Variants in SPRED2 observed in about 807,000 individuals in gnomAD.
SPRED2 encodes sprouty related EVH1 domain containing 2.
A neutral mutation model predicts 43.0 loss-of-function variants in SPRED2; 47 were observed. The observed-to-expected ratio is 1.09, with a 90% confidence interval of 0.87 to 1.40. The LOEUF (loss-of-function observed/expected upper bound fraction) is 1.40, where lower values mean the gene tolerates loss of function less well. SPRED2 is among the 40% of genes most tolerant of loss of function. The probability of loss-of-function intolerance (pLI) is 0.00; values close to 1 mark genes in which losing one functional copy is unlikely to be tolerated. For missense variants in SPRED2, 561 were observed against 586.4 expected (o/e 0.96, Z 0.45); for synonymous variants, 225 against 225.7 (o/e 1.00, Z 0.03).
chr2:65,309,667 CAT>C (rs1458995901), downstream of SPRED2, among the ~76,000 whole-genome samples: 1 of 152,140 alleles, frequency 6.6e-6, no homozygotes, highest in Non-Finnish European at 1.5e-5. Context: ...TGTTTCTTTA[CAT>C]GTGTGCTTCC....
rs370741723 is a variant in SPRED2 at position 65,383,107 on chromosome 2, C to T, written c.27-38211G>A. On this transcript the variant is annotated intron_variant, in intron 1 of 5. Coordinates refer to ENST00000356388, the MANE Select transcript of SPRED2 (RefSeq NM_181784.3). ...CAAGAAGGCTTACGTTTTAAAAATA[C>T]CACCGGCATGCTAGCTTGGCGTCTG... is the stretch of plus-strand genomic sequence containing the variant. Among the ~76,000 whole-genome samples, 5 of 152,358 alleles carry T rather than the reference C, an allele frequency of 3.3e-5. No homozygotes were observed. In the East Asian group the frequency reaches 9.6e-4, roughly 29 times the overall value.
intron 1 of SPRED2, among the ~76,000 whole-genome samples, chr2:65,431,538 G>A (rs1004314109): frequency 6.6e-6 from 1 of 152,198 alleles, no homozygotes; most frequent in African/African-American, 2.4e-5. Flanking sequence ...GGGCTCCGGA[G>A]CGGACTGCAG....
intron 2 of SPRED2, among the ~76,000 whole-genome samples, chr2:65,339,288 G>A (rs981386167): frequency 3.9e-5 from 6 of 151,952 alleles, no homozygotes; most frequent in Non-Finnish European, 8.8e-5. Flanking sequence ...TGGAAGGGGG[G>A]GCAGGGTGGG....
chr2:65,372,285 G>C (rs1276597386), intron 1 of SPRED2, among the ~76,000 whole-genome samples: 2 of 152,106 alleles, frequency 1.3e-5, no homozygotes, highest in Admixed American at 6.6e-5. Context: ...TGGATTAGTC[G>C]GCAGGCTTTG....
chr2:65,423,478 C>A lies in SPRED2; in HGVS notation c.26+8484G>T, dbSNP rs536256834. 5.9e-5 allele frequency among the ~76,000 whole-genome samples: 9 copies of A among 152,330 alleles called. No individual in the cohort carries two copies. In the East Asian group the frequency reaches 1.7e-3, roughly 29 times the overall value. On this transcript the variant is annotated intron_variant, in intron 1 of 5. Transcript: ENST00000356388. Reference sequence around the variant, plus strand: ...CACAGTACAAAAACTACCAGGACACCATTAGAAAGCCAAAAGAAACAGTCA... The same window carrying A: ...CACAGTACAAAAACTACCAGGACACAATTAGAAAGCCAAAAGAAACAGTCA...
At chr2:65,419,618 TTTA>T (rs901836616) in intron 1 of SPRED2, among the ~76,000 whole-genome samples, 3 of 143,532 alleles carry the variant, frequency 2.1e-5, no homozygotes, top group Non-Finnish European at 4.6e-5. Context: ...TGTGTGTGTG[TTTA>T]TTAACTGTGA....
In SPRED2 at chr2:65,313,974, G is replaced by T; in HGVS notation, c.784C>A (p.His262Asn). 1 of 1,612,972 alleles carries T rather than the reference G, an allele frequency of 6.2e-7. No individual in the cohort carries two copies. Among genetic ancestry groups the T allele is most frequent in the Non-Finnish European group, 8.5e-7 (1 of 1,180,020 alleles). The change falls in exon 6 of 6, where the codon CAT (histidine) becomes AAT (asparagine). Residue 262 changes from histidine to asparagine, a missense_variant. This residue lies in a region of SPRED2 where 164 missense variants were observed against 164.1 expected (regional missense o/e 1.00). Coordinates refer to ENST00000356388, the MANE Select transcript of SPRED2 (RefSeq NM_181784.3). ...TCCACGTAGGGGTAGTTGTAGTCAT[G>T]CTTGGGGACCTCGCCCTTGGCGAAG... ...VRFAKGEVPKHDYNYPYVDSS... is the reference protein window; with the variant it reads ...VRFAKGEVPKNDYNYPYVDSS...
intron 2 of SPRED2, among the ~76,000 whole-genome samples, chr2:65,338,572 T>C (rs1240468957): frequency 6.6e-6 from 1 of 150,942 alleles, no homozygotes; most frequent in Non-Finnish European, 1.5e-5. Context: ...GGTGCCGGGA[T>C]TGCAGACGGA....
chr2:65,430,533 T>C (rs1012203152), intron 1 of SPRED2, among the ~76,000 whole-genome samples: 2 of 152,244 alleles, frequency 1.3e-5, no homozygotes, highest in Non-Finnish European at 2.9e-5. Flanking sequence ...CACTGTCACC[T>C]GCTGCAAGAG....
At chr2:65,414,595 TGTTTGCTCTACTGCC>T (rs1676230918) in intron 1 of SPRED2, among the ~76,000 whole-genome samples, 1 of 152,238 alleles carries the variant, frequency 6.6e-6, no homozygotes, top group Admixed American at 6.5e-5. Flanking sequence ...CCAGCTCTGC[TGTTTGCTCTACTGCC>T]AGGTCATTCA....
Position 65,313,850 on chromosome 2 carries a change from T to G in SPRED2, c.908A>C (p.Asp303Ala). Residue 303 changes from aspartate to alanine, a missense_variant, in exon 6 of 6, where the codon GAC (aspartate) becomes GCC (alanine). Around this residue, in one of 6 missense-constraint regions of SPRED2, gnomAD observed 164 missense variants for 164.1 expected, o/e 1.00. Transcript: ENST00000356388. ...GTACACGCACCGCGAGCGCTCTCCGTCCTCCTTCCGCCGCCGCGACTTGCC... is the reference window on the plus strand; with the variant it reads ...GTACACGCACCGCGAGCGCTCTCCGGCCTCCTTCCGCCGCCGCGACTTGCC... ...SRGKSRRRKE[D>A]GERSRCVYCR... is the part of the protein sequence containing the mutation. 1 of 1,611,522 alleles carries G rather than the reference T, an allele frequency of 6.2e-7. No homozygotes were observed. Among genetic ancestry groups the G allele is most frequent in the South Asian group, 1.1e-5 (1 of 91,046 alleles).
In SPRED2 at chr2:65,334,670, T is replaced by G; in HGVS notation, c.308A>C (p.Gln103Pro). ...AAAGGCTCGGGCATCAGCAGGGCTTTGGAAAGTAAGTCCAAACTTCCTATT... is the reference window on the plus strand; with the variant it reads ...AAAGGCTCGGGCATCAGCAGGGCTTGGGAAAGTAAGTCCAAACTTCCTATT... ...VDNRKFGLTF[Q>P]SPADARAFDR... is the part of the protein sequence containing the mutation. The change falls in exon 3 of 6, where the codon CAA becomes CCA. Residue 103 changes from glutamine (Q) to proline (P), a missense_variant. Gln to Pro is a moderately conservative substitution (Grantham distance 76). Around this residue, in one of 6 missense-constraint regions of SPRED2, gnomAD observed 305 missense variants for 282.4 expected, o/e 1.08. Transcript: ENST00000356388. The G allele has an allele frequency of 6.2e-7, 1 of 1,614,264 alleles. No homozygotes were observed. The highest frequency in any genetic ancestry group is 1.1e-5 in the South Asian group (1 of 91,086).
intron 2 of SPRED2, 86 bp from the exon 3 acceptor site, chr2:65,334,859 T>G: frequency 7.1e-7 from 1 of 1,411,630 alleles, no homozygotes; most frequent in South Asian, 1.2e-5. Context: ...GAACCATCAC[T>G]GGTGGCAACT....
rs115577626 is a variant in SPRED2, at chr2:65,364,459, A to G, written c.27-19563T>C. Among the ~76,000 whole-genome samples the G allele has an allele frequency of 1.0e-2, 1,520 of 152,356 alleles. 28 individuals are homozygous for G. Among genetic ancestry groups the G allele is most frequent in the African/African-American group, 0.035 (1,469 of 41,572 alleles). On this transcript the variant is annotated intron_variant, in intron 1 of 5. Transcript: ENST00000356388. ...TTTTCCCTCAAAAGGGAAAGAAGGCATCTAAAAACCACGTGGTTCCTTTGG... is the reference window on the plus strand; with the variant it reads ...TTTTCCCTCAAAAGGGAAAGAAGGCGTCTAAAAACCACGTGGTTCCTTTGG...
intron 1 of SPRED2, among the ~76,000 whole-genome samples, chr2:65,361,094 TAA>T (rs1487190119): frequency 1.1e-4 from 16 of 152,214 alleles, no homozygotes; most frequent in Non-Finnish European, 2.4e-4. Context: ...TAACACTATT[TAA>T]AAAGTTAACT....
At chr2:65,366,236 C>G (rs972927011) in intron 1 of SPRED2, among the ~76,000 whole-genome samples, 5 of 152,144 alleles carry the variant, frequency 3.3e-5, no homozygotes, top group African/African-American at 1.2e-4. Context: ...ACTACCCACC[C>G]AAGAGGTATA....
intron 1 of SPRED2, among the ~76,000 whole-genome samples, chr2:65,389,243 CTTT>C (rs11335406): frequency 3.6e-5 from 5 of 140,180 alleles, no homozygotes; most frequent in African/African-American, 2.6e-5. Flanking sequence ...CATGCTCAAC[CTTT>C]TTTTTTTTTT....
chr2:65,364,770 GA>G lies in SPRED2; in HGVS notation c.27-19875del, dbSNP rs552615988. ...ATAATCATTTACCATAGGCCTCAAG[GA>G]AAAAAAAAATGCTACCATGAAACCT... On this transcript the variant is annotated intron_variant, in intron 1 of 5. Coordinates refer to ENST00000356388, the MANE Select transcript of SPRED2 (RefSeq NM_181784.3). 1.9e-4 allele frequency among the ~76,000 whole-genome samples: 28 copies of G among 146,816 alleles called. No individual in the cohort carries two copies. In the South Asian group the frequency reaches 3.4e-3, roughly 18 times the overall value.
rs1238716035 is a variant in SPRED2 at position 65,312,238 on chromosome 2, G to T, written c.*1263C>A. On this transcript the variant is annotated 3_prime_UTR_variant, in exon 6 of 6. Transcript: ENST00000356388. ...TGTGCACCCAAAGTGGCGAGTCTGG[G>T]TTTGGAGTTGCAGGAGAAAGACACT... 2 of 985,526 alleles carry T rather than the reference G, an allele frequency of 2.0e-6. No homozygotes were observed. The allele number at this position is 985,526 out of a possible 1,614,324, so 61.0% of individuals were successfully genotyped here.
Sources: allele counts gnomAD v4.1 joint callset (sites outside exome capture counted in the v4.1 genomes callset), GRCh38; gene constraint gnomAD v4.1.1; regional missense constraint gnomAD v4.1.1; transcripts MANE v1.5; gene names NCBI Gene and HGNC (gene_info 2026-07-23, HGNC 2026-07-21).